Variants in MAML3 observed in about 807,000 individuals in gnomAD.
MAML3 encodes the protein mastermind-like protein 3.
A neutral mutation model predicts 101.9 loss-of-function variants in MAML3; 27 were observed. The observed-to-expected ratio is 0.27, with a 90% CI of 0.20 to 0.37. The LOEUF (loss-of-function observed/expected upper bound fraction) is 0.37, where lower values mean the gene tolerates loss of function less well. MAML3 is among the 10% of genes least tolerant of loss of function. The probability of loss-of-function intolerance (pLI) is 1.00; values close to 1 mark genes in which losing one functional copy is unlikely to be tolerated. For missense variants in MAML3, 1,316 were observed against 1,444.9 expected (o/e 0.91, Z 1.45); for synonymous variants, 501 against 555.9 (o/e 0.90, Z 1.39).
intron 1 of MAML3, among the ~76,000 whole-genome samples, chr4:139,995,666 T>C (rs1370297718): frequency 6.6e-6 from 1 of 152,154 alleles, no homozygotes; most frequent in African/African-American, 2.4e-5. Flanking sequence ...TTCTGTTGGG[T>C]CAGTAGTATG....
intron 1 of MAML3, among the ~76,000 whole-genome samples, chr4:140,145,521 C>T (rs1345516903): frequency 1.3e-5 from 2 of 152,004 alleles, no homozygotes; most frequent in Non-Finnish European, 2.9e-5. Flanking sequence ...TTCTTTATGT[C>T]AGAGGAAGTA....
At position 139,725,048 on chromosome 4, in the gene MAML3, C is replaced by T. The variant is rs951991102; in HGVS notation, c.2416+703G>A. On this transcript the variant is annotated intron_variant, in intron 4 of 4. Coordinates refer to ENST00000509479, the MANE Select transcript of MAML3 (RefSeq NM_018717.5). ...TGCTAGGATTATAGGCGTGAGCCACCGCACCCGGCCAAGGGCTCTCTCTAT... is the reference window on the plus strand; with the variant it reads ...TGCTAGGATTATAGGCGTGAGCCACTGCACCCGGCCAAGGGCTCTCTCTAT... 9.2e-5 allele frequency among the ~76,000 whole-genome samples: 14 copies of T among 152,152 alleles called. 1 individual carries two copies. The highest frequency in any genetic ancestry group is 2.6e-4 in the Admixed American group (4 of 15,276).
At position 139,862,248 on chromosome 4, in the gene MAML3, G is replaced by T. The variant is rs192045566; in HGVS notation, c.2079+27109C>A. On this transcript the variant is annotated intron_variant, in intron 2 of 4. Coordinates refer to ENST00000509479, the MANE Select transcript of MAML3 (RefSeq NM_018717.5). Reference sequence around the variant, plus strand: ...ACAAAAAAAACAAACTGATGCCTATGTCCCAGCCCCAGAGATTAAGAGTTC... The same window carrying T: ...ACAAAAAAAACAAACTGATGCCTATTTCCCAGCCCCAGAGATTAAGAGTTC... Among the ~76,000 whole-genome samples the T allele has an allele frequency of 2.9e-3, 436 of 152,240 alleles. 1 individual carries two copies. The highest frequency in any genetic ancestry group is 9.8e-3 in the African/African-American group (409 of 41,544).
At chr4:139,970,693 G>A (rs138871400) in intron 1 of MAML3, among the ~76,000 whole-genome samples, 19 of 152,228 alleles carry the variant, frequency 1.2e-4, no homozygotes, top group African/African-American at 4.1e-4. Flanking sequence ...ATCTTGAGGC[G>A]GACTTAGGGG....
intron 1 of MAML3, among the ~76,000 whole-genome samples, chr4:139,892,307 G>A (rs893284373): frequency 6.6e-6 from 1 of 152,088 alleles, no homozygotes; most frequent in Non-Finnish European, 1.5e-5. Flanking sequence ...CCCCATCTCA[G>A]TATCTATCCA....
At chr4:139,800,035 T>C (rs943837030) in intron 2 of MAML3, among the ~76,000 whole-genome samples, 4 of 152,222 alleles carry the variant, frequency 2.6e-5, no homozygotes, top group African/African-American at 9.6e-5. Context: ...AGGGATTGTA[T>C]TTATTCTTCC....
chr4:140,102,864 A>T (rs570126732), intron 1 of MAML3, among the ~76,000 whole-genome samples: 1 of 152,330 alleles, frequency 6.6e-6, no homozygotes, highest in South Asian at 2.1e-4. Flanking sequence ...ATCACCACCA[A>T]GTGAAGAGAA....
chr4:139,820,025 GTA>G (rs1246589487), intron 2 of MAML3, among the ~76,000 whole-genome samples: 22 of 152,162 alleles, frequency 1.4e-4, no homozygotes, highest in Admixed American at 1.4e-3. Flanking sequence ...TCCACCTGTA[GTA>G]TAAAAAAGAA....
Position 140,153,725 on chromosome 4 carries a change from A to C in MAML3, c.-398T>G, listed in dbSNP as rs1729220089. 1 of 193,858 alleles carries C rather than the reference A, an allele frequency of 5.2e-6. No homozygotes were observed. Among genetic ancestry groups the C allele is most frequent in the Non-Finnish European group, 1.0e-5 (1 of 95,832 alleles). 12.0% of individuals were successfully genotyped at this position (193,858 alleles called of 1,614,324 possible). A position where few individuals can be genotyped will look rare whatever the true frequency, so the allele number is the denominator to read the frequency against. ...AGGAGATTTCCGGTGGTTGGCAAGC[A>C]TTTTCTCCCTACATACCGAAAAACA... On this transcript the variant is annotated 5_prime_UTR_variant, in exon 1 of 5. The change abolishes an upstream ATG in the 5' untranslated region. Coordinates refer to ENST00000509479, the MANE Select transcript of MAML3 (RefSeq NM_018717.5).
chr4:139,885,209 T>G (rs1287954419), intron 2 of MAML3, among the ~76,000 whole-genome samples: 1 of 151,874 alleles, frequency 6.6e-6, no homozygotes, highest in Admixed American at 6.6e-5. Flanking sequence ...GACACTAGAC[T>G]GGGCAACATA....
intron 1 of MAML3, among the ~76,000 whole-genome samples, chr4:139,901,597 T>C (rs1281511172): frequency 2.0e-5 from 3 of 152,178 alleles, no homozygotes; most frequent in Non-Finnish European, 4.4e-5. Flanking sequence ...TAAAGGAGGT[T>C]GGTGAGGAAG....
chr4:139,979,095 G>T (rs1373092926), intron 1 of MAML3, among the ~76,000 whole-genome samples: 1 of 151,890 alleles, frequency 6.6e-6, no homozygotes, highest in Non-Finnish European at 1.5e-5. Context: ...TCTGTATTAG[G>T]TGTTACACCT....
At chr4:139,754,392 C>T (rs1352913161) in intron 2 of MAML3, among the ~76,000 whole-genome samples, 1 of 152,168 alleles carries the variant, frequency 6.6e-6, no homozygotes, top group Non-Finnish European at 1.5e-5. Context: ...AAATGATAGT[C>T]ACTCAATGTA....
chr4:140,037,334 C>T (rs1325815039), intron 1 of MAML3, among the ~76,000 whole-genome samples: 1 of 151,778 alleles, frequency 6.6e-6, no homozygotes, highest in East Asian at 1.9e-4. Flanking sequence ...AACACGAATC[C>T]TTAGCACATT....
intron 1 of MAML3, among the ~76,000 whole-genome samples, chr4:139,990,324 G>A (rs954995610): frequency 3.3e-5 from 5 of 152,122 alleles, no homozygotes; most frequent in Non-Finnish European, 7.3e-5. Flanking sequence ...AATAGATGCA[G>A]AAAAGGCCTT....
chr4:139,942,626 T>C (rs1435459250), intron 1 of MAML3, among the ~76,000 whole-genome samples: 1 of 152,010 alleles, frequency 6.6e-6, no homozygotes, highest in Non-Finnish European at 1.5e-5. Flanking sequence ...AGATATAATT[T>C]CATTACTTTT....
chr4:139,901,680 C>T (rs1428982256), intron 1 of MAML3, among the ~76,000 whole-genome samples: 1 of 152,140 alleles, frequency 6.6e-6, no homozygotes, highest in Non-Finnish European at 1.5e-5. Flanking sequence ...GCATCATTCA[C>T]AGCTGGAGAC....
chr4:139,741,537 A>C (rs769199609), intron 2 of MAML3, among the ~76,000 whole-genome samples: 2 of 152,096 alleles, frequency 1.3e-5, no homozygotes, highest in African/African-American at 4.8e-5. Context: ...GGATTGCTTG[A>C]GTTCAGTTCA....
chr4:139,852,740 G>A (rs566896137), intron 2 of MAML3, among the ~76,000 whole-genome samples: 1 of 152,188 alleles, frequency 6.6e-6, no homozygotes, highest in African/African-American at 2.4e-5. Context: ...TAATTGCATG[G>A]TACTTTCTAT....
Sources: gnomAD v4.1 joint callset for allele counts (sites outside exome capture counted in the v4.1 genomes callset) on GRCh38, gnomAD v4.1.1 for gene constraint, MANE v1.5 for transcripts, NCBI Gene and HGNC (gene_info 2026-07-23, HGNC 2026-07-21) for gene names.